The following SPPL2A variants were observed in gnomAD, a reference collection of about 807,000 sequenced individuals.
SPPL2A encodes signal peptide peptidase-like 2A.
SPPL2A carries 51 observed loss-of-function variants against 63.8 expected under a neutral mutation model. The ratio of observed to expected loss-of-function variants is 0.80; its 90% confidence interval spans 0.64 to 1.01. SPPL2A has a LOEUF of 1.01. Among genes scored for constraint, SPPL2A ranks in the 50% least tolerant of loss-of-function variants. The pLI is 0.00. For synonymous variants in SPPL2A, 188 were observed against 205.8 expected (o/e 0.91, Z 0.74); for missense variants, 553 against 622.7 (o/e 0.89, Z 1.19).
Position 50,703,902 on chromosome 15 carries a change from G to A in SPPL2A, c.*3898C>T, listed in dbSNP as rs2141012012. On this transcript the variant is annotated 3_prime_UTR_variant, in exon 15 of 15. Coordinates refer to ENST00000261854, the MANE Select transcript of SPPL2A (RefSeq NM_032802.4). ...TTGAAAGAGCAAAGAAAACTGGAAA[G>A]CTCATTTGTATTTATTATAAATGTA... The A allele has an allele frequency of 6.6e-6, 1 of 152,176 alleles. No individual in the cohort carries two copies. Among genetic ancestry groups the A allele is most frequent in the Admixed American group, 6.5e-5 (1 of 15,270 alleles). The allele number at this position is 152,176 out of a possible 1,614,324, so 9.4% of individuals were successfully genotyped here. A position where few individuals can be genotyped will look rare whatever the true frequency, so the allele number is the denominator to read the frequency against.
intron 3 of SPPL2A, 57 bp downstream of exon 3, chr15:50,748,631 T>G: frequency 8.3e-7 from 1 of 1,210,594 alleles, no homozygotes; most frequent in Non-Finnish European, 1.1e-6. Flanking sequence ...TAATTCCATT[T>G]TTGTGAAATT....
rs574519922 is a variant in SPPL2A at position 50,720,026 on chromosome 15, A to C, written c.1402T>G (p.Leu468Val). Residue 468 changes from leucine to valine, a missense_variant, in exon 14 of 15, where the codon TTA becomes GTA. Physicochemically the swap from Leu to Val is conservative, Grantham distance 32 (BLOSUM62 1). Coordinates refer to ENST00000261854, the MANE Select transcript of SPPL2A (RefSeq NM_032802.4). ...MKKGQPALLY[L>V]VPCTLITASV... Reference sequence around the variant, plus strand: ...GCAGTAATAAGTGTGCAAGGTACTAAATAGAGGAGAGCAGGTTGCCCCTTT... The same window carrying C: ...GCAGTAATAAGTGTGCAAGGTACTACATAGAGGAGAGCAGGTTGCCCCTTT... 4.3e-6 allele frequency: 7 copies of C among 1,613,658 alleles called. No individual in the cohort carries two copies. In the South Asian group the frequency reaches 5.5e-5, roughly 13 times the overall value.
chr15:50,716,042 T>A (rs1031907161), intron 14 of SPPL2A, among the ~76,000 whole-genome samples: 4 of 152,150 alleles, frequency 2.6e-5, no homozygotes, highest in Non-Finnish European at 5.9e-5. Flanking sequence ...TATAGTATCA[T>A]TCACTCGTCT....
chr15:50,724,330 A>G (rs1417750077), intron 12 of SPPL2A, among the ~76,000 whole-genome samples: 2 of 152,126 alleles, frequency 1.3e-5, no homozygotes, highest in Non-Finnish European at 2.9e-5. Flanking sequence ...TAATCCCAGC[A>G]CTTTGGGAGG....
In SPPL2A at chr15:50,729,838, G is replaced by T. The variant is rs778915870; in HGVS notation, c.1089+1127C>A. On this transcript the variant is annotated intron_variant, in intron 10 of 14. Coordinates refer to ENST00000261854, the MANE Select transcript of SPPL2A (RefSeq NM_032802.4). The stretch of plus-strand genomic sequence containing the variant: ...TCACAGATGATAGGTTTAATGAATG[G>T]GTAAAGAAGAAATGAGGCCAAGCAC... Among the ~76,000 whole-genome samples, 7 of 152,072 alleles carry T rather than the reference G, an allele frequency of 4.6e-5. No homozygotes were observed. In the South Asian group the frequency reaches 1.5e-3, roughly 32 times the overall value.
intron 9 of SPPL2A, among the ~76,000 whole-genome samples, chr15:50,731,364 G>A (rs963791691): frequency 2.0e-5 from 3 of 151,874 alleles, no homozygotes; most frequent in Admixed American, 6.6e-5. Flanking sequence ...TGGCCAACAT[G>A]GTGAAACCCC....
rs2062520987 is a variant in SPPL2A, at chr15:50,707,654, G to A, written c.*146C>T. The A allele has an allele frequency of 5.2e-6, 3 of 576,836 alleles. No homozygotes were observed. Among genetic ancestry groups the A allele is most frequent in the Non-Finnish European group, 9.3e-6 (3 of 323,334 alleles). The allele number at this position is 576,836 out of a possible 1,614,324, so 35.7% of individuals were successfully genotyped here. On this transcript the variant is annotated 3_prime_UTR_variant, in exon 15 of 15. Transcript: ENST00000261854. The stretch of plus-strand genomic sequence containing the variant: ...GCAAAGCGTTTTAGTTATTTATGAT[G>A]TAACTGTCAGTACCAGCTCATAAAA...
At chr15:50,731,194 T>C (rs1435652512) in intron 9 of SPPL2A, among the ~76,000 whole-genome samples, 155 bp from the exon 10 acceptor site, 1 of 152,254 alleles carries the variant, frequency 6.6e-6, no homozygotes, top group Non-Finnish European at 1.5e-5. Context: ...AGTTTTATTC[T>C]ACATATTAAA....
chr15:50,763,035 G>A (rs1462725239), intron 1 of SPPL2A, among the ~76,000 whole-genome samples: 1 of 151,834 alleles, frequency 6.6e-6, no homozygotes, highest in African/African-American at 2.4e-5. Flanking sequence ...GAGCCACCAC[G>A]CCCGGACAAG....
chr15:50,760,857 G>A (rs2063004021), intron 1 of SPPL2A, among the ~76,000 whole-genome samples: 2 of 152,166 alleles, frequency 1.3e-5, no homozygotes, highest in African/African-American at 4.8e-5. Context: ...AGTTGGTGTA[G>A]TATACAAAAG....
At chr15:50,713,443 T>G (rs945310799) in intron 14 of SPPL2A, among the ~76,000 whole-genome samples, 1 of 151,986 alleles carries the variant, frequency 6.6e-6, no homozygotes, top group African/African-American at 2.4e-5. Flanking sequence ...TTTTGTATTT[T>G]TAGTAGAGAC....
At chr15:50,711,564 G>A (rs761886188) in intron 14 of SPPL2A, among the ~76,000 whole-genome samples, 2 of 152,092 alleles carry the variant, frequency 1.3e-5, no homozygotes, top group Non-Finnish European at 2.9e-5. Context: ...CTTTTGATGA[G>A]AGAAACTCAC....
In SPPL2A at chr15:50,703,325, C is replaced by CATACATAT. The variant is rs1555439688; in HGVS notation, c.*4474_*4475insATATGTAT. The CATACATAT allele has an allele frequency of 2.4e-5, 2 of 83,062 alleles. No homozygotes were observed. The highest frequency in any genetic ancestry group is 7.7e-4 in the East Asian group (2 of 2,600). 5.1% of individuals were successfully genotyped at this position (83,062 alleles called of 1,614,324 possible). A position where few individuals can be genotyped will look rare whatever the true frequency, so the allele number is the denominator to read the frequency against. On this transcript the variant is annotated 3_prime_UTR_variant, in exon 15 of 15. Coordinates refer to ENST00000261854, the MANE Select transcript of SPPL2A (RefSeq NM_032802.4). ...GCCTAAATAAATTAGTTCATATATA[C>CATACATAT]ATATATATATATATATATATACATA...
chr15:50,749,896 A>G, intron 1 of SPPL2A, 150 bp from the exon 2 acceptor site: 1 of 619,550 alleles, frequency 1.6e-6, no homozygotes, highest in South Asian at 1.9e-5. Flanking sequence ...TTGAGGAAAT[A>G]AAAAGGATGG....
intron 14 of SPPL2A, among the ~76,000 whole-genome samples, chr15:50,718,150 G>C (rs548405908): frequency 6.6e-6 from 1 of 151,462 alleles, no homozygotes; most frequent in South Asian, 2.1e-4. Flanking sequence ...TATTTTTTTT[G>C]TATTTTTTAG....
At chr15:50,739,871 C>T in intron 5 of SPPL2A, 43 bp from the exon 6 acceptor site, 2 of 1,458,286 alleles carry the variant, frequency 1.4e-6, no homozygotes, top group Non-Finnish European at 1.8e-6. Flanking sequence ...TAGCCAAGTA[C>T]AGTTATTTAA....
rs1454993361 is a variant in SPPL2A, at chr15:50,708,637, C to T, written c.1489-763G>A. Among the ~76,000 whole-genome samples, 26 of 148,400 alleles carry T rather than the reference C, an allele frequency of 1.8e-4. No individual in the cohort carries two copies. In the Admixed American group the frequency reaches 1.8e-3, roughly 10 times the overall value. ...AGGAGAATTGCTTGAACCCAGGAGG[C>T]GGAGGTTGCAGTGAGCCGAGATCAC... On this transcript the variant is annotated intron_variant, in intron 14 of 14. Transcript: ENST00000261854.
At chr15:50,725,927 G>T in intron 11 of SPPL2A, 1 of 353,736 alleles carries the variant, frequency 2.8e-6, no homozygotes, top group Non-Finnish European at 5.3e-6. Flanking sequence ...TCTTTACCAA[G>T]GATAGAACTC....
Position 50,736,107 on chromosome 15 carries a change from T to C in SPPL2A, c.926A>G (p.Glu309Gly), listed in dbSNP as rs1458029186. ...VAVVWAVFRN[E>G]DRWAWILQDI... is the part of the protein sequence containing the mutation. ...ATACATTGAGTATTCATACCTGTCT[T>C]CATTTCGAAACACAGCCCAAACAAC... Residue 309 changes from glutamate to glycine, a missense_variant, in exon 8 of 15, where the codon GAA (glutamate) becomes GGA (glycine). By Grantham distance (98) the Glu-to-Gly change is moderately conservative (BLOSUM62 -2). Transcript: ENST00000261854. The C allele has an allele frequency of 6.3e-7, 1 of 1,594,056 alleles. No individual in the cohort carries two copies. Among genetic ancestry groups the C allele is most frequent in the South Asian group, 1.1e-5 (1 of 90,700 alleles).
Sources: gnomAD v4.1 joint callset for allele counts (sites outside exome capture counted in the v4.1 genomes callset) on GRCh38, gnomAD v4.1.1 for gene constraint, MANE v1.5 for transcripts, NCBI Gene and HGNC (gene_info 2026-07-23, HGNC 2026-07-21) for gene names.